The following SLC35F1 variants were observed in gnomAD, a reference collection of about 807,000 sequenced individuals.
SLC35F1 encodes the protein chromosome 6 open reading frame 169.
In SLC35F1, 14 loss-of-function variants were observed where a neutral mutation model predicts 48.7. The ratio of observed to expected loss-of-function variants is 0.29; its 90% confidence interval spans 0.19 to 0.45. SLC35F1 has a LOEUF of 0.45. Among genes scored for constraint, SLC35F1 ranks in the 20% least tolerant of loss-of-function variants. The probability of loss-of-function intolerance (pLI) is 1.00; values close to 1 mark genes in which losing one functional copy is unlikely to be tolerated. For synonymous variants in SLC35F1, 190 were observed against 202.2 expected, an observed-to-expected ratio of 0.94 and a Z score of 0.51; for missense variants, 404 against 500.0, an observed-to-expected ratio of 0.81 and a Z score of 1.83.
chr6:118,016,771 G>A (rs896268885), intron 1 of SLC35F1, among the ~76,000 whole-genome samples: 2 of 152,166 alleles, frequency 1.3e-5, no homozygotes, highest in African/African-American at 4.8e-5. Context: ...TCATCCAAAA[G>A]CTTCTTTTTA....
chr6:118,068,505 G>C (rs756230719), intron 1 of SLC35F1, among the ~76,000 whole-genome samples: 10 of 152,084 alleles, frequency 6.6e-5, no homozygotes, highest in Non-Finnish European at 1.3e-4. Context: ...GAAACAAATG[G>C]TTTTTCATTT....
Position 118,174,855 on chromosome 6 carries a change from C to G in SLC35F1, c.349+20235C>G, listed in dbSNP as rs963083605. 2.0e-5 allele frequency among the ~76,000 whole-genome samples: 3 copies of G among 151,112 alleles called. 1 individual carries two copies. In the South Asian group the frequency reaches 6.4e-4, roughly 32 times the overall value. On this transcript the variant is annotated intron_variant, in intron 2 of 7. Coordinates refer to ENST00000360388, the MANE Select transcript of SLC35F1 (RefSeq NM_001029858.4). ...TACTTCTCTTCAGAAACAATAGAGG[C>G]AAGAAGTCATTTTTTAAAACATTTT...
Position 118,314,180 on chromosome 6 carries a change from G to C in SLC35F1, c.1155G>C (p.Gln385His), listed in dbSNP as rs1398918758. ...GPVVDLPTTA[Q>H]VEPSVTYTSL... ...TTGTGGACTTACCGACCACAGCTCA[G>C]GTGGAACCCTCAGTCACCTACACCA... is the stretch of plus-strand genomic sequence containing the variant. The change falls in exon 8 of 8, where the codon CAG becomes CAC. Residue 385 changes from glutamine (Q) to histidine (H), a missense_variant. Around this residue, in one of 2 missense-constraint regions of SLC35F1, gnomAD observed 306 missense variants for 419.1 expected, o/e 0.73. Coordinates refer to ENST00000360388, the MANE Select transcript of SLC35F1 (RefSeq NM_001029858.4). 1.2e-6 allele frequency: 2 copies of C among 1,614,194 alleles called. No homozygotes were observed. Among genetic ancestry groups the C allele is most frequent in the Non-Finnish European group, 1.7e-6 (2 of 1,180,036 alleles).
chr6:117,988,541 G>T (rs1448593911), intron 1 of SLC35F1, among the ~76,000 whole-genome samples: 5 of 152,164 alleles, frequency 3.3e-5, no homozygotes, highest in African/African-American at 4.8e-5. Context: ...CAACCGAGAT[G>T]GTCCTTTGGA....
At chr6:118,152,408 C>G (rs1206659460) in intron 1 of SLC35F1, among the ~76,000 whole-genome samples, 2 of 152,150 alleles carry the variant, frequency 1.3e-5, no homozygotes, top group Non-Finnish European at 2.9e-5. Context: ...CACTGTACAT[C>G]TACATGCCCT....
rs565452345 is a variant in SLC35F1, at chr6:117,972,086, T to C, written c.173+64187T>C. Among the ~76,000 whole-genome samples the C allele has an allele frequency of 4.3e-4, 66 of 152,358 alleles. No individual in the cohort carries two copies. In the South Asian group the frequency reaches 0.011, roughly 26 times the overall value. On this transcript the variant is annotated intron_variant, in intron 1 of 7. Transcript: ENST00000360388. ...ATGCTCTGCTTCCTTTTGAATACTTTGCTGCTTAGAAATTTCTTCTGCCAG... is the reference window on the plus strand; with the variant it reads ...ATGCTCTGCTTCCTTTTGAATACTTCGCTGCTTAGAAATTTCTTCTGCCAG...
intron 1 of SLC35F1, among the ~76,000 whole-genome samples, chr6:117,920,972 T>C (rs1582562099): frequency 6.6e-6 from 1 of 152,072 alleles, no homozygotes; most frequent in African/African-American, 2.4e-5. Context: ...ATTTCTCAAA[T>C]AATGAATATG....
chr6:118,034,570 T>C (rs1282302183), intron 1 of SLC35F1, among the ~76,000 whole-genome samples: 1 of 151,770 alleles, frequency 6.6e-6, no homozygotes. Flanking sequence ...AATAAATAAA[T>C]AAATAAATAA....
chr6:117,939,704 A>T (rs971075699), intron 1 of SLC35F1, among the ~76,000 whole-genome samples: 16 of 152,236 alleles, frequency 1.1e-4, no homozygotes, highest in African/African-American at 3.9e-4. Context: ...GGAAGAGAAA[A>T]ATAGGGAGGA....
At chr6:117,937,887 C>G (rs971999843) in intron 1 of SLC35F1, among the ~76,000 whole-genome samples, 5 of 152,126 alleles carry the variant, frequency 3.3e-5, no homozygotes, top group African/African-American at 1.2e-4. Context: ...CCTCCAGTGC[C>G]TGATGATCTG....
intron 7 of SLC35F1, among the ~76,000 whole-genome samples, chr6:118,299,655 C>A (rs749357229): frequency 2.0e-5 from 3 of 152,018 alleles, no homozygotes; most frequent in African/African-American, 4.8e-5. Flanking sequence ...GATTGTAATG[C>A]GAAGTAAAAA....
Position 118,251,064 on chromosome 6 carries a change from G to A in SLC35F1, c.477+15428G>A, listed in dbSNP as rs1775568665. On this transcript the variant is annotated intron_variant, in intron 3 of 7. Transcript: ENST00000360388. ...GCACTTTGGGAGGCCGAGGCGGGCAGGTCGTTTGAGCTCAGGAGTTCAAGA... is the reference window on the plus strand; with the variant it reads ...GCACTTTGGGAGGCCGAGGCGGGCAAGTCGTTTGAGCTCAGGAGTTCAAGA... Among the ~76,000 whole-genome samples the A allele has an allele frequency of 4.6e-5, 7 of 152,298 alleles. No homozygotes were observed. In the South Asian group the frequency reaches 1.5e-3, roughly 32 times the overall value.
chr6:118,088,011 A>G (rs1232965462), intron 1 of SLC35F1, among the ~76,000 whole-genome samples: 2 of 152,124 alleles, frequency 1.3e-5, no homozygotes, highest in Non-Finnish European at 2.9e-5. Flanking sequence ...AAACACTTAA[A>G]TTGCATTTTA....
intron 1 of SLC35F1, among the ~76,000 whole-genome samples, chr6:118,036,712 C>T (rs753807804): frequency 7.9e-5 from 12 of 152,118 alleles, no homozygotes; most frequent in Non-Finnish European, 1.8e-4. Flanking sequence ...TGCATGCCAC[C>T]ATACCAGGCT....
intron 1 of SLC35F1, among the ~76,000 whole-genome samples, chr6:118,044,274 T>C (rs891753096): frequency 2.0e-5 from 3 of 152,212 alleles, no homozygotes; most frequent in Non-Finnish European, 4.4e-5. Flanking sequence ...TCTATCACAC[T>C]GGAGTTTCAT....
chr6:118,239,251 A>G (rs904853409), intron 3 of SLC35F1, among the ~76,000 whole-genome samples: 5 of 149,160 alleles, frequency 3.4e-5, no homozygotes, highest in Non-Finnish European at 7.4e-5. Flanking sequence ...ACTAGATACT[A>G]AATACATGTT....
chr6:118,247,335 A>G (rs765968080), intron 3 of SLC35F1, among the ~76,000 whole-genome samples: 1 of 152,150 alleles, frequency 6.6e-6, no homozygotes, highest in Non-Finnish European at 1.5e-5. Flanking sequence ...GTGAACTCTC[A>G]TAAAGATTAA....
intron 1 of SLC35F1, among the ~76,000 whole-genome samples, chr6:118,063,325 G>A (rs772062866): frequency 6.6e-6 from 1 of 152,058 alleles, no homozygotes; most frequent in Non-Finnish European, 1.5e-5. Context: ...TCTTTTCTGT[G>A]TATGCTACTG....
At chr6:118,189,433 A>C (rs205933) in intron 2 of SLC35F1, among the ~76,000 whole-genome samples, 19,447 of 152,174 alleles carry the variant, frequency 0.13, 3,319 homozygotes, top group African/African-American at 0.39. Context: ...CTATTCAGGT[A>C]CTTTGCCCAT....
Sources: gnomAD v4.1 joint callset for allele counts (sites outside exome capture counted in the v4.1 genomes callset) on GRCh38, gnomAD v4.1.1 for gene constraint, gnomAD v4.1.1 regional missense constraint, MANE v1.5 for transcripts, NCBI Gene and HGNC (gene_info 2026-07-23, HGNC 2026-07-21) for gene names.